Variants in GALNT18 observed in about 807,000 individuals in gnomAD.
GALNT18 encodes the protein GalNAc-transferase 18.
GALNT18 carries 44 observed loss-of-function variants against 69.5 expected under a neutral mutation model. The ratio of observed to expected loss-of-function variants is 0.63; its 90% confidence interval spans 0.50 to 0.81. The LOEUF (loss-of-function observed/expected upper bound fraction) is 0.81, where lower values mean the gene tolerates loss of function less well. Ranked by LOEUF, GALNT18 falls within the 40% of genes least tolerant of loss-of-function variation. The pLI is 0.00. For synonymous variants in GALNT18, 364 were observed against 318.2 expected, an observed-to-expected ratio of 1.14 and a Z score of -1.53; for missense variants, 715 against 810.0, an observed-to-expected ratio of 0.88 and a Z score of 1.42.
At chr11:11,580,866 T>C (rs1312423869) in intron 1 of GALNT18, among the ~76,000 whole-genome samples, 1 of 152,210 alleles carries the variant, frequency 6.6e-6, no homozygotes, top group Non-Finnish European at 1.5e-5. Flanking sequence ...TCCAGGGTTA[T>C]TTCTAACCTA....
rs1854120999 is a variant in GALNT18 at position 11,389,084 on chromosome 11, C to T, written c.596-9820G>A. Reference sequence around the variant, plus strand: ...GGCAGAGCTGAAAAGCAAACCCAGGCAACCTGAAGATAATAACCTCATTAT... The same window carrying T: ...GGCAGAGCTGAAAAGCAAACCCAGGTAACCTGAAGATAATAACCTCATTAT... On this transcript the variant is annotated intron_variant, in intron 3 of 10. Transcript: ENST00000227756. The surrounding 1 kb of genome is among the most constrained non-coding windows in gnomAD (Gnocchi z 4.3). Among the ~76,000 whole-genome samples the T allele has an allele frequency of 6.6e-6, 1 of 152,156 alleles. No homozygotes were observed. The highest frequency in any genetic ancestry group is 6.5e-5 in the Admixed American group (1 of 15,282).
intron 3 of GALNT18, among the ~76,000 whole-genome samples, chr11:11,419,325 G>A (rs1339490851): frequency 1.3e-5 from 2 of 152,018 alleles, no homozygotes; most frequent in Non-Finnish European, 2.9e-5. Flanking sequence ...GGCCAGGCAT[G>A]GTGGCTCACG....
chr11:11,523,635 TGAGAACCCGGGAGGAA>T lies in GALNT18; in HGVS notation c.236-74715_236-74700del, dbSNP rs1361579701. ...TCGGGAGGCTGAGGCAGGAGAATGG[TGAGAACCCGGGAGGAA>T]GAGGTTGCAGTGAGCCGAGATCGCA... On this transcript the variant is annotated intron_variant, in intron 1 of 10. Coordinates refer to ENST00000227756, the MANE Select transcript of GALNT18 (RefSeq NM_198516.3). This position sits in a 1 kb window ranked among gnomAD's most constrained non-coding sequence, Gnocchi z 4.3. 6.7e-6 allele frequency among the ~76,000 whole-genome samples: 1 copy of T among 149,650 alleles called. No homozygotes were observed. Among genetic ancestry groups the T allele is most frequent in the Non-Finnish European group, 1.5e-5 (1 of 67,542 alleles).
At chr11:11,281,034 T>G (rs886881301) in intron 10 of GALNT18, among the ~76,000 whole-genome samples, 2 of 152,148 alleles carry the variant, frequency 1.3e-5, no homozygotes, top group African/African-American at 4.8e-5. Context: ...GTGTTGCTGA[T>G]GCTTCTTGAA....
intron 1 of GALNT18, among the ~76,000 whole-genome samples, chr11:11,492,786 A>G (rs1367137266): frequency 6.6e-6 from 1 of 152,062 alleles, no homozygotes; most frequent in African/African-American, 2.4e-5. Flanking sequence ...TAGGACAAAT[A>G]CCTAACGTAT....
At chr11:11,588,851 T>C (rs1177405679) in intron 1 of GALNT18, among the ~76,000 whole-genome samples, 1 of 152,206 alleles carries the variant, frequency 6.6e-6, no homozygotes, top group Non-Finnish European at 1.5e-5. Context: ...ACTGAGGAAA[T>C]TCCCAATACC....
At chr11:11,287,248 TAGATGGACTTTC>T (rs547668390) in intron 10 of GALNT18, among the ~76,000 whole-genome samples, 98 of 152,318 alleles carry the variant, frequency 6.4e-4, no homozygotes, top group African/African-American at 2.4e-3. Context: ...TTCAAACATA[TAGATGGACTTTC>T]AGAAAGTGGG....
intron 1 of GALNT18, among the ~76,000 whole-genome samples, chr11:11,476,820 A>G (rs1348330935): frequency 6.6e-6 from 1 of 152,268 alleles, no homozygotes; most frequent in African/African-American, 2.4e-5. Context: ...CTAAGGCACC[A>G]AGATGCAATG....
chr11:11,361,578 G>C (rs543987757), intron 6 of GALNT18, among the ~76,000 whole-genome samples: 1 of 152,258 alleles, frequency 6.6e-6, no homozygotes, highest in South Asian at 2.1e-4. Context: ...GGAGCTCACT[G>C]TATCATTAGC....
chr11:11,493,519 A>G (rs2133888599), intron 1 of GALNT18, among the ~76,000 whole-genome samples: 1 of 152,294 alleles, frequency 6.6e-6, no homozygotes, highest in Non-Finnish European at 1.5e-5. Flanking sequence ...ATATTAGCCA[A>G]TATTGAGGAA....
At chr11:11,572,045 T>C (rs1318905963) in intron 1 of GALNT18, among the ~76,000 whole-genome samples, 1 of 152,248 alleles carries the variant, frequency 6.6e-6, no homozygotes, top group Non-Finnish European at 1.5e-5. Context: ...AAGAGCATGA[T>C]TCAGCAGATC....
intron 3 of GALNT18, among the ~76,000 whole-genome samples, chr11:11,425,294 C>G (rs929894163): frequency 6.6e-6 from 1 of 152,172 alleles, no homozygotes; most frequent in Non-Finnish European, 1.5e-5. Context: ...CTGGGAGAGA[C>G]AGAAGATTCC....
chr11:11,457,221 G>A lies in GALNT18; in HGVS notation c.236-8285C>T, dbSNP rs562218091. On this transcript the variant is annotated intron_variant, in intron 1 of 10. Coordinates refer to ENST00000227756, the MANE Select transcript of GALNT18 (RefSeq NM_198516.3). ...GTACTGAGACTGCACAATGGAGTGG[G>A]GAGGAAACGGGCTTCAGAGTGAAAG... 2.0e-5 allele frequency among the ~76,000 whole-genome samples: 3 copies of A among 152,332 alleles called. No individual in the cohort carries two copies. The South Asian group carries it at 6.2e-4, about 32-fold the overall frequency.
intron 9 of GALNT18, among the ~76,000 whole-genome samples, chr11:11,313,273 G>A (rs1266751458): frequency 1.3e-5 from 2 of 152,176 alleles, no homozygotes; most frequent in Non-Finnish European, 2.9e-5. Flanking sequence ...CAAGCCAGGA[G>A]GGAGCTGATG....
At chr11:11,456,454 G>A (rs934907199) in intron 1 of GALNT18, among the ~76,000 whole-genome samples, 6 of 152,144 alleles carry the variant, frequency 3.9e-5, no homozygotes, top group African/African-American at 1.2e-4. Flanking sequence ...CCTTCCTAGC[G>A]GTGGCAAACA....
At position 11,500,626 on chromosome 11, in the gene GALNT18, A is replaced by G. The variant is rs1856955512; in HGVS notation, c.236-51690T>C. Among the ~76,000 whole-genome samples, 1 of 152,174 alleles carries G rather than the reference A, an allele frequency of 6.6e-6. No individual in the cohort carries two copies. On this transcript the variant is annotated intron_variant, in intron 1 of 10. Coordinates refer to ENST00000227756, the MANE Select transcript of GALNT18 (RefSeq NM_198516.3). This position sits in a 1 kb window ranked among gnomAD's most constrained non-coding sequence, Gnocchi z 5.0. ...CACCTCCCATGACAAAGAAGGATCC[A>G]GTGCAAAATGGTGACAGTGCCGAGC...
At chr11:11,323,548 C>T (rs1849870786) in intron 9 of GALNT18, among the ~76,000 whole-genome samples, 1 of 152,244 alleles carries the variant, frequency 6.6e-6, no homozygotes, top group African/African-American at 2.4e-5. Context: ...TGGGGTGGCC[C>T]TGGCCCTTAG....
In GALNT18 at chr11:11,271,303, G is replaced by C. The variant is rs759412258; in HGVS notation, c.1678-13C>G. 6.2e-7 allele frequency: 1 copy of C among 1,611,858 alleles called. No individual in the cohort carries two copies. Among genetic ancestry groups the C allele is most frequent in the East Asian group, 2.2e-5 (1 of 44,754 alleles). ...GGATGGGTCCTCCCTAGGGGCCAGG[G>C]CAGACAGTGGGGTCAGAGGGCATAG... On this transcript the variant is annotated splice_polypyrimidine_tract_variant and intron_variant, in intron 10 of 10. Coordinates refer to ENST00000227756, the MANE Select transcript of GALNT18 (RefSeq NM_198516.3).
chr11:11,306,080 C>A (rs1210234704), intron 9 of GALNT18, among the ~76,000 whole-genome samples: 1 of 152,214 alleles, frequency 6.6e-6, no homozygotes, highest in East Asian at 1.9e-4. Context: ...TAGTCTATGC[C>A]ATGTCTAGAC....
Sources: gnomAD v4.1 joint callset for allele counts (sites outside exome capture counted in the v4.1 genomes callset) on GRCh38, gnomAD v4.1.1 for gene constraint, Gnocchi (gnomAD v3.1) non-coding constraint, MANE v1.5 for transcripts, NCBI Gene and HGNC (gene_info 2026-07-23, HGNC 2026-07-21) for gene names.